PABPC1L: variants seen among roughly 807,000 people sequenced by gnomAD.
The protein encoded by PABPC1L is polyadenylate-binding protein 1-like.
A neutral mutation model predicts 66.6 loss-of-function variants in PABPC1L; 31 were observed. The observed-to-expected ratio is 0.47, with a 90% CI of 0.35 to 0.63. The LOEUF (loss-of-function observed/expected upper bound fraction) is 0.63. Ranked by LOEUF, PABPC1L falls within the 20% of genes least tolerant of loss-of-function variation. The pLI, the probability that PABPC1L is intolerant of heterozygous loss-of-function variation, is 0.00. For missense variants in PABPC1L, 722 were observed against 848.8 expected, an observed-to-expected ratio of 0.85 and a Z score of 1.86; for synonymous variants, 348 against 335.1, an observed-to-expected ratio of 1.04 and a Z score of -0.42.
At chr20:44,928,058 T>G (rs558412716) in intron 7 of PABPC1L, among the ~76,000 whole-genome samples, 18 of 152,236 alleles carry the variant, frequency 1.2e-4, no homozygotes, top group African/African-American at 3.6e-4. Context: ...AGTATGTGCT[T>G]CTTTTATTAT....
chr20:44,910,074 C>A lies in PABPC1L; in HGVS notation c.-70C>A, dbSNP rs1246143301. On this transcript the variant is annotated 5_prime_UTR_variant, in exon 1 of 15. Transcript: ENST00000217073. ...CCGCGCCCAGGAAGGAGGGCTTCCG[C>A]CCGGGTGAGCGCGGGGCTGCTGGGT... 42 of 1,375,942 alleles carry A rather than the reference C, an allele frequency of 3.1e-5. No individual in the cohort carries two copies. The highest frequency in any genetic ancestry group is 4.0e-5 in the Non-Finnish European group (41 of 1,021,478). The allele number at this position is 1,375,942 out of a possible 1,614,324, so 85.2% of individuals were successfully genotyped here.
intron 8 of PABPC1L, 182 bp from the exon 9 acceptor site, chr20:44,932,160 A>T (rs917915337): frequency 2.3e-6 from 1 of 440,764 alleles, no homozygotes; most frequent in Admixed American, 4.0e-5. Flanking sequence ...GCCCTGCAGG[A>T]TTCAGGGCTA....
At chr20:44,916,277 G>GT (rs1423209888) in intron 2 of PABPC1L, among the ~76,000 whole-genome samples, 1 of 151,970 alleles carries the variant, frequency 6.6e-6, no homozygotes, top group African/African-American at 2.4e-5. Flanking sequence ...TTTCTTTTCT[G>GT]TTTTTATTTT....
intron 1 of PABPC1L, among the ~76,000 whole-genome samples, chr20:44,910,980 A>G (rs2066700304): frequency 6.6e-6 from 1 of 152,196 alleles, no homozygotes; most frequent in Admixed American, 6.6e-5. Context: ...GGAGAGGATG[A>G]GTGAGCTTGG....
In PABPC1L at chr20:44,931,066, TCCC is replaced by T. The variant is rs1416795039; in HGVS notation, c.1239+341_1239+343del. Among the ~76,000 whole-genome samples the T allele has an allele frequency of 4.7e-4, 11 of 23,466 alleles. 1 individual carries two copies. Among genetic ancestry groups the T allele is most frequent in the African/African-American group, 9.1e-4 (7 of 7,734 alleles). The allele number at this position is 23,466 out of a possible 152,430, so 15.4% of individuals were successfully genotyped here. ...CTCCCTTCCCTTCCCTTCCCTTCCC[TCCC>T]TCCCTCCCTCCCTCCCTCCCTTCCT... is the stretch of plus-strand genomic sequence containing the variant. On this transcript the variant is annotated intron_variant, in intron 8 of 14. Coordinates refer to ENST00000217073, the MANE Select transcript of PABPC1L (RefSeq NM_001372179.1).
At chr20:44,938,484 A>C (rs76643272) in intron 13 of PABPC1L, among the ~76,000 whole-genome samples, 190 bp from the exon 14 acceptor site, 1,806 of 152,162 alleles carry the variant, frequency 0.012, 13 homozygotes, top group Non-Finnish European at 0.018. Context: ...CCAGCAATGT[A>C]CCTCTGTGTC....
intron 10 of PABPC1L, 129 bp from the exon 11 acceptor site, chr20:44,935,262 C>T (rs1279696177): frequency 1.5e-6 from 1 of 689,386 alleles, no homozygotes; most frequent in African/African-American, 1.8e-5. Context: ...AGTGCACAGT[C>T]TTCTAATTTC....
chr20:44,912,815 G>A lies in PABPC1L; in HGVS notation c.349G>A (p.Asp117Asn). ...EDSIDNKALY[D>N]TFSTFGNILS... ...CTCCATTGACAACAAGGCTTTATAT[G>A]ATACCTTCTCCACCTTTGGGAACAT... Residue 117 changes from aspartate (D) to asparagine (N), a missense_variant, in exon 2 of 15, where the codon GAT becomes AAT. Asp to Asn is a conservative substitution (Grantham distance 23). This residue lies in a region of PABPC1L where 284 missense variants were observed against 294.8 expected (regional missense o/e 0.96). Coordinates refer to ENST00000217073, the MANE Select transcript of PABPC1L (RefSeq NM_001372179.1). The A allele has an allele frequency of 6.2e-7, 1 of 1,614,104 alleles. No homozygotes were observed. Among genetic ancestry groups the A allele is most frequent in the Non-Finnish European group, 8.5e-7 (1 of 1,179,980 alleles).
chr20:44,910,072 C>T lies in PABPC1L; in HGVS notation c.-72C>T, dbSNP rs1255051564. 7 of 1,353,242 alleles carry T rather than the reference C, an allele frequency of 5.2e-6. No homozygotes were observed. The highest frequency in any genetic ancestry group is 1.5e-5 in the African/African-American group (1 of 65,620). The allele number at this position is 1,353,242 out of a possible 1,614,324, so 83.8% of individuals were successfully genotyped here. ...GCCCGCGCCCAGGAAGGAGGGCTTC[C>T]GCCCGGGTGAGCGCGGGGCTGCTGG... On this transcript the variant is annotated 5_prime_UTR_variant, in exon 1 of 15. Coordinates refer to ENST00000217073, the MANE Select transcript of PABPC1L (RefSeq NM_001372179.1).
intron 7 of PABPC1L, among the ~76,000 whole-genome samples, chr20:44,926,673 A>T (rs975649633): frequency 1.3e-5 from 2 of 151,686 alleles, no homozygotes; most frequent in Non-Finnish European, 2.9e-5. Flanking sequence ...CAGCCTTCTG[A>T]GTAGCTGGGA....
Position 44,932,410 on chromosome 20 carries a change from A to G in PABPC1L, c.1308A>G (p.Thr436=), listed in dbSNP as rs41282038. ...VTPTQPAPRW[T]SQPPRPSSAY... is the part of the protein sequence containing the mutation. ...CCACCCAGCCTGCCCCCAGGTGGAC[A>G]TCCCAGCCACCTAGACCTTCCTGTG... The change falls in exon 9 of 15, where the codon ACA becomes ACG. Residue 436 remains threonine (T), a synonymous_variant. Coordinates refer to ENST00000217073, the MANE Select transcript of PABPC1L (RefSeq NM_001372179.1). 14,260 of 1,613,410 alleles carry G rather than the reference A, an allele frequency of 8.8e-3. 944 individuals carry two copies. The African/African-American group carries it at 0.15, about 17-fold the overall frequency.
rs1444633588 is a variant in PABPC1L, at chr20:44,910,272, C to T, written c.129C>T (p.Cys43=). Residue 43 remains cysteine (C), a synonymous_variant, in exon 1 of 15, where the codon TGC becomes TGT. Transcript: ENST00000217073. Reference sequence around the variant, plus strand: ...GCCCCATCCTGTCCATCCGCGTGTGCCGCGATGTAGCCACCCGGCGCTCGC... The same window carrying T: ...GCCCCATCCTGTCCATCCGCGTGTGTCGCGATGTAGCCACCCGGCGCTCGC... ...PAGPILSIRV[C]RDVATRRSLG... 4 of 1,554,724 alleles carry T rather than the reference C, an allele frequency of 2.6e-6. No homozygotes were observed. Among genetic ancestry groups the T allele is most frequent in the Non-Finnish European group, 3.5e-6 (4 of 1,148,954 alleles).
chr20:44,939,018 T>G, intron 14 of PABPC1L, 108 bp from the exon 15 acceptor site: 1 of 703,174 alleles, frequency 1.4e-6, no homozygotes, highest in Non-Finnish European at 2.6e-6. Context: ...CCTGCCTGGC[T>G]CCATTCTGCC....
At chr20:44,938,571 G>A in intron 13 of PABPC1L, 103 bp from the exon 14 acceptor site, 1 of 1,332,982 alleles carries the variant, frequency 7.5e-7, no homozygotes, top group Non-Finnish European at 1.0e-6. Flanking sequence ...TGTGGATGGA[G>A]GAGGATCCTG....
At chr20:44,929,750 G>A (rs2066837005) in intron 7 of PABPC1L, among the ~76,000 whole-genome samples, 2 of 150,434 alleles carry the variant, frequency 1.3e-5, no homozygotes, top group Admixed American at 6.6e-5. Flanking sequence ...AGCCGAGATC[G>A]TGCCACTCCA....
Position 44,936,776 on chromosome 20 carries a change from C to T in PABPC1L, c.1660+46C>T, listed in dbSNP as rs113733757. ...CTGTGGAGCAAGAAGAGGAGGGCTG[C>T]GAGCTGGCTAGCCTGCTGGGAAACA... On this transcript the variant is annotated intron_variant, in intron 12 of 14. Transcript: ENST00000217073. 108 of 1,553,880 alleles carry T rather than the reference C, an allele frequency of 7.0e-5. No individual in the cohort carries two copies. In the African/African-American group the frequency reaches 1.0e-3, roughly 15 times the overall value.
intron 12 of PABPC1L, 25 bp downstream of exon 12, chr20:44,936,755 G>T: frequency 6.3e-7 from 1 of 1,589,510 alleles, no homozygotes. Flanking sequence ...CTCCTACTGT[G>T]GAGCAAGAAG....
At chr20:44,916,614 T>C in intron 2 of PABPC1L, 142 bp from the exon 3 acceptor site, 2 of 757,206 alleles carry the variant, frequency 2.6e-6, no homozygotes, top group South Asian at 1.6e-5. Context: ...CTCTTTGAGC[T>C]TCCATACCCC....
chr20:44,927,318 C>T (rs1465346495), intron 7 of PABPC1L, among the ~76,000 whole-genome samples: 1 of 151,932 alleles, frequency 6.6e-6, no homozygotes. Context: ...TTATTAACTA[C>T]CGACTGCCAG....
Sources: allele counts gnomAD v4.1 joint callset (sites outside exome capture counted in the v4.1 genomes callset), GRCh38; gene constraint gnomAD v4.1.1; regional missense constraint gnomAD v4.1.1; transcripts MANE v1.5; gene names NCBI Gene and HGNC (gene_info 2026-07-23, HGNC 2026-07-21).